TRIM33: variants seen among roughly 807,000 people sequenced by gnomAD.
The protein encoded by TRIM33 is tripartite motif containing 33.
Under a neutral mutation model 125.4 loss-of-function variants are expected in TRIM33, and 20 were observed. The ratio of observed to expected loss-of-function variants is 0.16; its 90% CI spans 0.11 to 0.23. The LOEUF (loss-of-function observed/expected upper bound fraction) is 0.23. Ranked by LOEUF, TRIM33 falls within the 10% of genes least tolerant of loss-of-function variation. The pLI, the probability that TRIM33 is intolerant of heterozygous loss-of-function variation, is 1.00. For synonymous variants in TRIM33, 564 were observed against 513.9 expected, an observed-to-expected ratio of 1.10 and a Z score of -1.32; for missense variants, 920 against 1,411.4, an observed-to-expected ratio of 0.65 and a Z score of 5.58.
At chr1:114,480,100 T>C (rs966979151) in intron 1 of TRIM33, among the ~76,000 whole-genome samples, 2 of 152,164 alleles carry the variant, frequency 1.3e-5, no homozygotes, top group Non-Finnish European at 2.9e-5. Context: ...TAGAAAGAAG[T>C]AGACATAGGA....
intron 11 of TRIM33, among the ~76,000 whole-genome samples, chr1:114,413,898 G>A (rs1461950337): frequency 6.6e-6 from 1 of 151,986 alleles, no homozygotes; most frequent in African/African-American, 2.4e-5. Context: ...ATGGTAGCAT[G>A]TGCCCGTAGT....
At chr1:114,497,030 T>TA (rs570838073) in intron 1 of TRIM33, among the ~76,000 whole-genome samples, 20 of 152,216 alleles carry the variant, frequency 1.3e-4, no homozygotes, top group Non-Finnish European at 2.8e-4. Context: ...GCATGACATT[T>TA]AAAATCCACT....
chr1:114,417,740 C>T (rs963176052), intron 11 of TRIM33, among the ~76,000 whole-genome samples: 4 of 152,126 alleles, frequency 2.6e-5, no homozygotes, highest in African/African-American at 9.7e-5. Context: ...CTCACTGGAA[C>T]CTCCACCTCC....
intron 2 of TRIM33, among the ~76,000 whole-genome samples, chr1:114,463,767 CTTTTTTTTT>C (rs397977770): frequency 9.5e-5 from 12 of 126,028 alleles, no homozygotes; most frequent in African/African-American, 3.3e-4. Context: ...GCAGATTTGA[CTTTTTTTTT>C]TTTTTTTTTT....
At chr1:114,477,586 T>C (rs1327072960) in intron 1 of TRIM33, among the ~76,000 whole-genome samples, 4 of 152,226 alleles carry the variant, frequency 2.6e-5, no homozygotes, top group Non-Finnish European at 4.4e-5. Flanking sequence ...TGTTTATACA[T>C]ATAAAATGTG....
chr1:114,484,926 C>A (rs914871064), intron 1 of TRIM33, among the ~76,000 whole-genome samples: 12 of 151,888 alleles, frequency 7.9e-5, no homozygotes, highest in African/African-American at 2.9e-4. Context: ...GTGGCACATG[C>A]CTGTAATCCC....
chr1:114,437,549 G>C (rs1280898966), intron 4 of TRIM33, among the ~76,000 whole-genome samples: 1 of 152,134 alleles, frequency 6.6e-6, no homozygotes, highest in African/African-American at 2.4e-5. Context: ...ATGTTGGCCA[G>C]GATGGTCTCA....
At chr1:114,487,174 G>A (rs1651751443) in intron 1 of TRIM33, among the ~76,000 whole-genome samples, 1 of 150,786 alleles carries the variant, frequency 6.6e-6, no homozygotes, top group African/African-American at 2.4e-5. Flanking sequence ...TAAAAAAACT[G>A]AGTTAATGCC....
intron 1 of TRIM33, among the ~76,000 whole-genome samples, chr1:114,505,620 T>C (rs910254755): frequency 6.6e-6 from 1 of 152,188 alleles, no homozygotes; most frequent in Non-Finnish European, 1.5e-5. Context: ...CAGGCTGGAG[T>C]GCAGTGGCGT....
At chr1:114,410,378 A>G in intron 11 of TRIM33, 62 bp from the exon 12 acceptor site, 9 of 1,509,348 alleles carry the variant, frequency 6.0e-6, no homozygotes, top group Non-Finnish European at 8.1e-6. Context: ...TATTAATTTT[A>G]TGTCACTGCT....
intron 1 of TRIM33, among the ~76,000 whole-genome samples, chr1:114,472,496 C>T (rs887152563): frequency 6.6e-6 from 1 of 152,092 alleles, no homozygotes; most frequent in East Asian, 1.9e-4. Flanking sequence ...ATTTTGGGAG[C>T]CAGAGGCGGG....
At chr1:114,492,630 C>A (rs1212011144) in intron 1 of TRIM33, among the ~76,000 whole-genome samples, 1 of 152,184 alleles carries the variant, frequency 6.6e-6, no homozygotes, top group East Asian at 1.9e-4. Context: ...CTTTCTGTCT[C>A]TATGAATGTG....
intron 1 of TRIM33, among the ~76,000 whole-genome samples, chr1:114,483,488 T>C (rs548992568): frequency 4.6e-5 from 7 of 151,760 alleles, no homozygotes; most frequent in Non-Finnish European, 8.8e-5. Context: ...ATGATCTCAC[T>C]GCAACCTCTG....
intron 4 of TRIM33, among the ~76,000 whole-genome samples, chr1:114,434,844 G>C (rs1453640681): frequency 1.3e-5 from 2 of 152,190 alleles, no homozygotes; most frequent in African/African-American, 4.8e-5. Context: ...AAGCACAGCA[G>C]AGAAGAACAG....
intron 16 of TRIM33, among the ~76,000 whole-genome samples, chr1:114,402,092 T>A (rs549608052): frequency 2.0e-5 from 3 of 152,326 alleles, no homozygotes; most frequent in East Asian, 3.9e-4. Flanking sequence ...TTAACTCTAA[T>A]GACCACACGA....
rs555617944 is a variant in TRIM33, at chr1:114,425,744, G to T, written c.1421-21C>A. The T allele has an allele frequency of 2.2e-5, 34 of 1,540,156 alleles. No homozygotes were observed. In the South Asian group the frequency reaches 3.9e-4, roughly 18 times the overall value. On this transcript the variant is annotated intron_variant, in intron 8 of 19. Transcript: ENST00000358465. ...ATTACCTGAAAAATTTAAAAAATGA[G>T]AATTTGCATATAATCAACTAAATCA...
intron 1 of TRIM33, among the ~76,000 whole-genome samples, chr1:114,504,904 C>T (rs1035609182): frequency 1.3e-5 from 2 of 152,032 alleles, no homozygotes; most frequent in East Asian, 1.9e-4. Context: ...CACAATTTAC[C>T]CCCCTGCCTC....
intron 4 of TRIM33, among the ~76,000 whole-genome samples, chr1:114,441,758 CTAACGACT>C (rs1648669709): frequency 6.6e-6 from 1 of 152,278 alleles, no homozygotes; most frequent in South Asian, 2.1e-4. Flanking sequence ...ATCTGTGAAA[CTAACGACT>C]CTGAATGTGT....
intron 4 of TRIM33, among the ~76,000 whole-genome samples, chr1:114,448,944 A>G (rs1224364974): frequency 6.6e-6 from 1 of 152,204 alleles, no homozygotes; most frequent in Admixed American, 6.5e-5. Flanking sequence ...CAAAGAACAC[A>G]AAGACTAGAG....
Sources: gnomAD v4.1 joint callset for allele counts (sites outside exome capture counted in the v4.1 genomes callset) on GRCh38, gnomAD v4.1.1 for gene constraint, MANE v1.5 for transcripts, NCBI Gene and HGNC (gene_info 2026-07-23, HGNC 2026-07-21) for gene names.